The following PCDH7 variants were observed in gnomAD, a reference collection of about 807,000 sequenced individuals.
The protein encoded by PCDH7 is protocadherin-7.
Under a neutral mutation model 58.9 loss-of-function variants are expected in PCDH7, and 17 were observed. The observed-to-expected ratio is 0.29, with a 90% CI of 0.20 to 0.43. The LOEUF (loss-of-function observed/expected upper bound fraction) is 0.43. PCDH7 is among the 20% of genes least tolerant of loss of function. The pLI, the probability that PCDH7 is intolerant of heterozygous loss-of-function variation, is 1.00. For synonymous variants in PCDH7, 664 were observed against 616.4 expected (o/e 1.08, Z -1.14); for missense variants, 1,274 against 1,441.0 (o/e 0.88, Z 1.88).
chr4:30,939,050 C>A (rs1235077874), intron 2 of PCDH7, among the ~76,000 whole-genome samples: 1 of 152,046 alleles, frequency 6.6e-6, no homozygotes, highest in Non-Finnish European at 1.5e-5. Context: ...TTCTAAATGT[C>A]CTTTACACCT....
intron 1 of PCDH7, among the ~76,000 whole-genome samples, chr4:30,883,096 C>T (rs35805877): frequency 0.37 from 56,043 of 152,068 alleles, 10,777 homozygotes; most frequent in African/African-American, 0.44. Context: ...TGTGCACGGG[C>T]ACACACACCC....
At chr4:31,065,030 T>C (rs1016179227) in intron 3 of PCDH7, among the ~76,000 whole-genome samples, 20 of 152,006 alleles carry the variant, frequency 1.3e-4, no homozygotes, top group African/African-American at 3.9e-4. Context: ...AGTTAAAGAG[T>C]TTTAATTTAG....
chr4:30,757,827 G>C (rs1719511728), intron 1 of PCDH7, among the ~76,000 whole-genome samples: 1 of 152,098 alleles, frequency 6.6e-6, no homozygotes, highest in South Asian at 2.1e-4. Context: ...TACATAGTAG[G>C]CTCTCAATAA....
At chr4:30,936,477 G>T (rs1745352119) in intron 2 of PCDH7, among the ~76,000 whole-genome samples, 1 of 151,998 alleles carries the variant, frequency 6.6e-6, no homozygotes, top group African/African-American at 2.4e-5. Context: ...TTTAGTTTTT[G>T]TTTGATATTT....
At chr4:31,064,262 C>G (rs944707446) in intron 3 of PCDH7, among the ~76,000 whole-genome samples, 5 of 151,898 alleles carry the variant, frequency 3.3e-5, no homozygotes, top group African/African-American at 1.2e-4. Flanking sequence ...AAACAACACG[C>G]AGGAGAAAAA....
chr4:30,978,595 C>T (rs773149149), intron 3 of PCDH7, among the ~76,000 whole-genome samples: 1 of 151,984 alleles, frequency 6.6e-6, no homozygotes, highest in African/African-American at 2.4e-5. Context: ...ACTTTCTGAG[C>T]TCTGATTTTA....
At chr4:31,072,010 G>C (rs1758583471) in intron 3 of PCDH7, among the ~76,000 whole-genome samples, 1 of 152,114 alleles carries the variant, frequency 6.6e-6, no homozygotes, top group Non-Finnish European at 1.5e-5. Flanking sequence ...GCTTTTCTAA[G>C]CTTGGACATG....
chr4:31,016,822 C>G (rs888862050), intron 3 of PCDH7, among the ~76,000 whole-genome samples: 1 of 143,184 alleles, frequency 7.0e-6, no homozygotes, highest in Non-Finnish European at 1.5e-5. Flanking sequence ...TGTGTGTGCT[C>G]GGTGTGTGTG....
intron 3 of PCDH7, among the ~76,000 whole-genome samples, chr4:31,089,256 G>A (rs1712902864): frequency 6.6e-6 from 1 of 151,830 alleles, no homozygotes; most frequent in African/African-American, 2.4e-5. Context: ...CCATAAAAAT[G>A]TTACAGTTTA....
At chr4:31,142,442 A>T in intron 3 of PCDH7, 31 bp from the exon 3 acceptor site, 1 of 1,350,136 alleles carries the variant, frequency 7.4e-7, no homozygotes. Flanking sequence ...GGAGTGTCAA[A>T]TACTAATGGC....
At chr4:30,948,382 A>T (rs1746969198) in intron 2 of PCDH7, among the ~76,000 whole-genome samples, 1 of 151,926 alleles carries the variant, frequency 6.6e-6, no homozygotes, top group South Asian at 2.1e-4. Flanking sequence ...TTTTTGGCTT[A>T]TGAGATTCCC....
In PCDH7 at chr4:30,803,687, C is replaced by T. The variant is rs1265800138; in HGVS notation, c.70+79091C>T. On this transcript the variant is annotated intron_variant, in intron 1 of 3. Coordinates refer to the PCDH7 transcript ENST00000509759. ...CTCTTGACTTAAAACCATCCTCCTG[C>T]CTTGGTGTCCCAAAGTGCTGGGATT... 2.0e-5 allele frequency among the ~76,000 whole-genome samples: 3 copies of T among 152,222 alleles called. No individual in the cohort carries two copies. The East Asian group carries it at 5.8e-4, about 29-fold the overall frequency.
chr4:30,858,459 T>G (rs1733770993), intron 1 of PCDH7, among the ~76,000 whole-genome samples: 1 of 152,206 alleles, frequency 6.6e-6, no homozygotes. Flanking sequence ...TATTTTGTTT[T>G]GCTAGCATAA....
chr4:30,940,588 AT>A (rs1745910802), intron 2 of PCDH7, among the ~76,000 whole-genome samples: 1 of 151,990 alleles, frequency 6.6e-6, no homozygotes, highest in African/African-American at 2.4e-5. Context: ...CTTAGCCATC[AT>A]TTTTACAATG....
chr4:30,851,941 G>A (rs1732811381), intron 1 of PCDH7, among the ~76,000 whole-genome samples: 1 of 152,010 alleles, frequency 6.6e-6, no homozygotes, highest in Non-Finnish European at 1.5e-5. Context: ...CTACATAGAA[G>A]TAATGAAACT....
intron 3 of PCDH7, among the ~76,000 whole-genome samples, chr4:31,000,529 A>T (rs11932290): frequency 0.21 from 31,952 of 152,038 alleles, 6,586 homozygotes; most frequent in African/African-American, 0.53. Context: ...TTTAGCTAGC[A>T]TTATGTAAGA....
intron 3 of PCDH7, among the ~76,000 whole-genome samples, chr4:31,032,605 CA>C (rs528974781): frequency 1.2e-3 from 105 of 86,858 alleles, no homozygotes; most frequent in Middle Eastern, 0.014. Flanking sequence ...CAGATTCTGT[CA>C]AAAAAAAAAA....
intron 3 of PCDH7, among the ~76,000 whole-genome samples, chr4:31,067,106 G>A (rs1758151604): frequency 6.6e-6 from 1 of 151,878 alleles, no homozygotes; most frequent in Admixed American, 6.6e-5. Flanking sequence ...AAAAGGCTTG[G>A]GGGAGATCCA....
At chr4:31,124,931 C>T (rs80151393) in intron 3 of PCDH7, among the ~76,000 whole-genome samples, 33 of 152,246 alleles carry the variant, frequency 2.2e-4, no homozygotes, top group Non-Finnish European at 3.7e-4. Context: ...TCAGCATCTC[C>T]CATTCTTAGT....
Sources: gnomAD v4.1 joint callset for allele counts (sites outside exome capture counted in the v4.1 genomes callset) on GRCh38, gnomAD v4.1.1 for gene constraint, MANE v1.5 for transcripts, NCBI Gene and HGNC (gene_info 2026-07-23, HGNC 2026-07-21) for gene names.